Variants in SRGAP3 observed in about 807,000 individuals in gnomAD.
The protein encoded by SRGAP3 is SLIT-ROBO Rho GTPase activating protein 3, also known as SLIT-ROBO Rho GTPase-activating protein 3.
Under a neutral mutation model 121.1 loss-of-function variants are expected in SRGAP3, and 39 were observed. The observed-to-expected ratio is 0.32, with a 90% CI of 0.25 to 0.42. The LOEUF (loss-of-function observed/expected upper bound fraction) is 0.42. Among genes scored for constraint, SRGAP3 ranks in the 10% least tolerant of loss-of-function variants. SRGAP3 has a pLI of 1.00. For missense variants in SRGAP3, 1,213 were observed against 1,470.6 expected (o/e 0.82, Z 2.86); for synonymous variants, 601 against 570.0 (o/e 1.05, Z -0.77).
intron 11 of SRGAP3, chr3:9,034,658 T>C (rs1277362528): frequency 6.6e-6 from 1 of 152,246 alleles, no homozygotes; most frequent in Non-Finnish European, 1.5e-5. Flanking sequence ...GCAAGATTCT[T>C]TCAAGCCCAT....
chr3:9,068,160 G>C (rs943376981), intron 4 of SRGAP3, among the ~76,000 whole-genome samples: 5 of 151,998 alleles, frequency 3.3e-5, no homozygotes, highest in Middle Eastern at 3.4e-3. Context: ...TTTCTATTTT[G>C]GCTTCTGAGT....
intron 1 of SRGAP3, among the ~76,000 whole-genome samples, chr3:9,220,189 A>G (rs1198339294): frequency 6.6e-6 from 1 of 152,190 alleles, no homozygotes; most frequent in African/African-American, 2.4e-5. Context: ...AAGATTTCAA[A>G]TGTTCCCAAC....
At chr3:9,195,710 C>T (rs780701737) in intron 1 of SRGAP3, among the ~76,000 whole-genome samples, 13 of 152,118 alleles carry the variant, frequency 8.5e-5, no homozygotes, top group Admixed American at 2.0e-4. Context: ...AATCTCAGCA[C>T]GTTGGAAGGT....
At chr3:9,149,151 T>C (rs1575146785) in intron 1 of SRGAP3, among the ~76,000 whole-genome samples, 1 of 149,382 alleles carries the variant, frequency 6.7e-6, no homozygotes, top group Non-Finnish European at 1.5e-5. Context: ...GAGGCGGAGG[T>C]TGCAGTGAGC....
At chr3:9,360,387 T>C (rs1202532879) in intron 1 of SRGAP3, among the ~76,000 whole-genome samples, 1 of 152,228 alleles carries the variant, frequency 6.6e-6, no homozygotes. Flanking sequence ...CAGCCCATTG[T>C]AAAGTCAAAA....
At chr3:9,086,869 T>C (rs1357549461) in intron 3 of SRGAP3, among the ~76,000 whole-genome samples, 1 of 150,574 alleles carries the variant, frequency 6.6e-6, no homozygotes, top group East Asian at 1.9e-4. Flanking sequence ...ATGTATATTA[T>C]GGACAAGGCT....
chr3:9,342,736 TG>T (rs111832115), intron 1 of SRGAP3, among the ~76,000 whole-genome samples: 61 of 152,346 alleles, frequency 4.0e-4, no homozygotes, highest in African/African-American at 1.4e-3. Context: ...TTTCCCTACC[TG>T]AAAAACAGTG....
At chr3:9,182,844 A>G (rs1276738902) in intron 1 of SRGAP3, among the ~76,000 whole-genome samples, 1 of 151,844 alleles carries the variant, frequency 6.6e-6, no homozygotes, top group African/African-American at 2.4e-5. Flanking sequence ...TTTTATAGAG[A>G]TGGAGGTCTC....
chr3:9,100,872 G>A (rs1468586652), intron 3 of SRGAP3, among the ~76,000 whole-genome samples: 2 of 152,216 alleles, frequency 1.3e-5, no homozygotes, highest in Non-Finnish European at 2.9e-5. Context: ...CCTGAAGCAT[G>A]ACCCAGGCAG....
intron 3 of SRGAP3, among the ~76,000 whole-genome samples, chr3:9,264,644 C>A (rs1306967568): frequency 6.6e-6 from 1 of 152,032 alleles, no homozygotes; most frequent in Non-Finnish European, 1.5e-5. Flanking sequence ...GAATAAAATA[C>A]CTAAAAATAC....
chr3:9,264,017 C>T (rs772963724), intron 3 of SRGAP3, among the ~76,000 whole-genome samples: 3 of 152,180 alleles, frequency 2.0e-5, no homozygotes, highest in Non-Finnish European at 4.4e-5. Context: ...TAAAGCTTAT[C>T]CACCACAATC....
intron 17 of SRGAP3, among the ~76,000 whole-genome samples, chr3:9,010,809 C>T (rs1255671237): frequency 2.0e-5 from 3 of 152,184 alleles, no homozygotes; most frequent in Admixed American, 2.0e-4. Flanking sequence ...GCTGAGGTGA[C>T]ATATCCCAGG....
intron 2 of SRGAP3, 142 bp from the exon 3 acceptor site, chr3:9,104,984 G>A: frequency 3.8e-6 from 4 of 1,047,330 alleles, no homozygotes; most frequent in East Asian, 2.6e-5. Flanking sequence ...TACAGTTGGG[G>A]AAACAGGCTA....
chr3:9,219,910 G>A (rs1952753003), intron 1 of SRGAP3, among the ~76,000 whole-genome samples: 2 of 152,134 alleles, frequency 1.3e-5, no homozygotes, highest in South Asian at 4.1e-4. Flanking sequence ...AGGTCATTAT[G>A]TTAAGTGAAA....
chr3:9,163,986 CTTTTTTTTTTT>C (rs767652463), intron 1 of SRGAP3, among the ~76,000 whole-genome samples: 11 of 83,322 alleles, frequency 1.3e-4, no homozygotes, highest in East Asian at 3.3e-4. Flanking sequence ...AACTACTATT[CTTTTTTTTTTT>C]TTTTTTTTTT....
At chr3:9,267,470 G>A (rs1438101170) in intron 3 of SRGAP3, among the ~76,000 whole-genome samples, 1 of 152,170 alleles carries the variant, frequency 6.6e-6, no homozygotes, top group Non-Finnish European at 1.5e-5. Context: ...CGTGGGGGCA[G>A]CTGGGGTCTG....
intron 21 of SRGAP3, among the ~76,000 whole-genome samples, chr3:8,989,409 T>C (rs913148747): frequency 2.0e-5 from 3 of 152,238 alleles, no homozygotes; most frequent in Admixed American, 2.0e-4. Context: ...TACTCATTGC[T>C]AGGTGAGCTG....
intron 3 of SRGAP3, among the ~76,000 whole-genome samples, chr3:9,086,991 C>T (rs908124716): frequency 4.0e-5 from 6 of 149,870 alleles, no homozygotes; most frequent in South Asian, 2.1e-4. Context: ...AGGCAGGAGG[C>T]GGAAAGGGCC....
chr3:9,260,192 G>A (rs898600486), intron 3 of SRGAP3, among the ~76,000 whole-genome samples: 16 of 152,206 alleles, frequency 1.1e-4, no homozygotes, highest in African/African-American at 3.6e-4. Flanking sequence ...ACACCACCAG[G>A]GCCCTGGGTT....
Sources: allele counts gnomAD v4.1 joint callset (sites outside exome capture counted in the v4.1 genomes callset), GRCh38; gene constraint gnomAD v4.1.1; transcripts MANE v1.5; gene names NCBI Gene and HGNC (gene_info 2026-07-23, HGNC 2026-07-21).